The following FCN3 variants were observed in gnomAD, a reference collection of about 807,000 sequenced individuals.
FCN3 encodes ficolin-3.
A neutral mutation model predicts 31.5 loss-of-function variants in FCN3; 28 were observed. That is an observed-to-expected ratio of 0.89 (90% CI 0.66 to 1.22). The LOEUF (loss-of-function observed/expected upper bound fraction) is 1.22. FCN3 is among the 50% of genes most tolerant of loss of function. FCN3 has a pLI of 0.00. For synonymous variants in FCN3, 124 were observed against 147.4 expected (o/e 0.84, Z 1.15); for missense variants, 351 against 386.8 (o/e 0.91, Z 0.78).
rs1015709278 is a variant in FCN3 at position 27,369,120 on chromosome 1, T to C, written c.*116A>G. 5.4e-6 allele frequency: 7 copies of C among 1,297,076 alleles called. No individual in the cohort carries two copies. In the African/African-American group the frequency reaches 1.0e-4, roughly 19 times the overall value. The allele number at this position is 1,297,076 out of a possible 1,614,324, so 80.3% of individuals were successfully genotyped here. ...GTAACTGGAAGAGTCTTGAAAGGGC[T>C]AAAATGATTTTATTTTTAAATGTGG... is the stretch of plus-strand genomic sequence containing the variant. On this transcript the variant is annotated 3_prime_UTR_variant, in exon 8 of 8. Transcript: ENST00000270879.
chr1:27,372,773 A>ATATAT (rs71584882), intron 5 of FCN3, among the ~76,000 whole-genome samples: 1 of 96,442 alleles, frequency 1.0e-5, no homozygotes, highest in Admixed American at 1.3e-4. Flanking sequence ...TCCCTACCCT[A>ATATAT]TTTTTTTTTT....
At chr1:27,373,694 C>T in intron 3 of FCN3, 174 bp from the exon 4 acceptor site, 1 of 709,858 alleles carries the variant, frequency 1.4e-6, no homozygotes, top group Admixed American at 2.3e-5. Context: ...ATCCTCTCCA[C>T]TCCTCCCAGC....
intron 3 of FCN3, 28 bp downstream of exon 3, chr1:27,373,937 G>A (rs766453890): frequency 2.8e-5 from 45 of 1,604,548 alleles, no homozygotes; most frequent in East Asian, 1.8e-4. Flanking sequence ...CAAAGAAAGC[G>A]GGGAGGCCTC....
intron 1 of FCN3, 51 bp from the exon 2 acceptor site, chr1:27,374,502 A>ACCCCC: frequency 8.2e-7 from 1 of 1,224,824 alleles, no homozygotes; most frequent in Middle Eastern, 1.9e-4. Flanking sequence ...TCTCTTCCAG[A>ACCCCC]CCCCTCTTCA....
At chr1:27,369,704 T>C (rs1256836455) in intron 7 of FCN3, among the ~76,000 whole-genome samples, 1 of 145,722 alleles carries the variant, frequency 6.9e-6, no homozygotes, top group Non-Finnish European at 1.6e-5. Flanking sequence ...CTTTTCCCCC[T>C]GTCTTACCCC....
At chr1:27,370,408 C>T (rs1571087071) in intron 7 of FCN3, 188 bp downstream of exon 7, 5 of 603,548 alleles carry the variant, frequency 8.3e-6, no homozygotes, top group African/African-American at 1.9e-5. Flanking sequence ...GATTCAAACT[C>T]AGGTCTGTTT....
At position 27,374,461 on chromosome 1, in the gene FCN3, GAC is replaced by G; in HGVS notation, c.92-12_92-11del. On this transcript the variant is annotated splice_polypyrimidine_tract_variant and intron_variant, in intron 1 of 7. Coordinates refer to ENST00000270879, the MANE Select transcript of FCN3 (RefSeq NM_003665.4). ...TCCAGTTCCCTGGGTCCTACAGGGA[GAC>G]ACAGGCAGGGTGGGCACAGGGTAGA... 6.3e-7 allele frequency: 1 copy of G among 1,587,878 alleles called. No homozygotes were observed. Among genetic ancestry groups the G allele is most frequent in the Non-Finnish European group, 8.6e-7 (1 of 1,156,296 alleles).
chr1:27,371,912 A>G lies in FCN3; in HGVS notation c.394-940T>C, dbSNP rs569773662. On this transcript the variant is annotated intron_variant, in intron 5 of 7. Transcript: ENST00000270879. Reference sequence around the variant, plus strand: ...ATAGCTGGGATTACAGGCACCTGCCACCACGCCCAGCTAATTTTTTGTATT... The same window carrying G: ...ATAGCTGGGATTACAGGCACCTGCCGCCACGCCCAGCTAATTTTTTGTATT... Among the ~76,000 whole-genome samples, 60 of 152,186 alleles carry G rather than the reference A, an allele frequency of 3.9e-4. 1 individual carries two copies. The South Asian group carries it at 1.0e-2, about 25-fold the overall frequency.
intron 2 of FCN3, 39 bp downstream of exon 2, chr1:27,374,317 C>T: frequency 6.9e-7 from 1 of 1,454,820 alleles, no homozygotes; most frequent in Non-Finnish European, 9.6e-7. Context: ...CTGCCTTCCC[C>T]ATTCCCAAGA....
chr1:27,369,387 T>C lies in FCN3; in HGVS notation c.749A>G (p.His250Arg). The C allele has an allele frequency of 1.9e-6, 3 of 1,614,224 alleles. No homozygotes were observed. Among genetic ancestry groups the C allele is most frequent in the Non-Finnish European group, 2.5e-6 (3 of 1,180,026 alleles). The change falls in exon 8 of 8, where the codon CAC becomes CGC. Residue 250 changes from histidine to arginine, a missense_variant. Transcript: ENST00000270879. ...SSNSNCAVIV[H>R]GAWWYASCYR... is the part of the protein sequence containing the mutation. ...ACAGGATGCATACCACCAGGCACCG[T>C]GGACAATCACTGCACAGTTGCTGTT...
Position 27,370,765 on chromosome 1 carries a change from T to C in FCN3, c.524-35A>G, listed in dbSNP as rs183148024. 453 of 1,612,836 alleles carry C rather than the reference T, an allele frequency of 2.8e-4. 1 individual carries two copies. The East Asian group carries it at 6.9e-3, about 25-fold the overall frequency. Reference sequence around the variant, plus strand: ...AGGGGAGGCAGGGATGGAGGAATCCTCAGTTCTTGGGGGTGGGGCAGGGAT... The same window carrying C: ...AGGGGAGGCAGGGATGGAGGAATCCCCAGTTCTTGGGGGTGGGGCAGGGAT... On this transcript the variant is annotated intron_variant, in intron 6 of 7. Transcript: ENST00000270879.
intron 4 of FCN3, 111 bp from the exon 5 acceptor site, chr1:27,373,374 C>T (rs2016187567): frequency 1.3e-6 from 2 of 1,596,042 alleles, no homozygotes; most frequent in Non-Finnish European, 1.7e-6. Flanking sequence ...CCTTCAGGTC[C>T]CTGAAGAAGG....
Position 27,373,207 on chromosome 1 carries a change from G to A in FCN3, c.322C>T (p.His108Tyr), listed in dbSNP as rs1258101026. ...SQGATLSGWYHLCLPEGRALP... is the reference protein window; with the variant it reads ...SQGATLSGWYYLCLPEGRALP... ...GCCCTGCCCTCAGGTAGGCACAGAT[G>A]GTACCAGCCGCTCAAGGTGGCGCCC... Residue 108 changes from histidine to tyrosine, a missense_variant, in exon 5 of 8, where the codon CAT (histidine) becomes TAT (tyrosine). Coordinates refer to ENST00000270879, the MANE Select transcript of FCN3 (RefSeq NM_003665.4). 2 of 1,613,946 alleles carry A rather than the reference G, an allele frequency of 1.2e-6. No individual in the cohort carries two copies. The highest frequency in any genetic ancestry group is 2.7e-5 in the African/African-American group (2 of 74,904).
At position 27,374,819 on chromosome 1, in the gene FCN3, C is replaced by G; in HGVS notation, c.-1G>C. Reference sequence around the variant, plus strand: ...AGGGCAGGATCCACAGTAGATCCATCTTGCTGGGCCCACCAGGGGAAGGAT... The same window carrying G: ...AGGGCAGGATCCACAGTAGATCCATGTTGCTGGGCCCACCAGGGGAAGGAT... On this transcript the variant is annotated 5_prime_UTR_variant, in exon 1 of 8. Coordinates refer to ENST00000270879, the MANE Select transcript of FCN3 (RefSeq NM_003665.4). 7.5e-7 allele frequency: 1 copy of G among 1,333,852 alleles called. No individual in the cohort carries two copies. The highest frequency in any genetic ancestry group is 9.7e-7 in the Non-Finnish European group (1 of 1,034,628). The allele number at this position is 1,333,852 out of a possible 1,614,324, so 82.6% of individuals were successfully genotyped here.
intron 5 of FCN3, among the ~76,000 whole-genome samples, chr1:27,371,705 C>A (rs1002219149): frequency 6.6e-6 from 1 of 152,226 alleles, no homozygotes; most frequent in African/African-American, 2.4e-5. Flanking sequence ...GGCCCCAGGT[C>A]CTATAGAGTT....
At position 27,374,821 on chromosome 1, in the gene FCN3, T is replaced by G. The variant is rs748239361; in HGVS notation, c.-3A>C. The G allele has an allele frequency of 5.3e-6, 7 of 1,332,450 alleles. No homozygotes were observed. The highest frequency in any genetic ancestry group is 1.5e-5 in the African/African-American group (1 of 66,630). 82.5% of individuals were successfully genotyped at this position (1,332,450 alleles called of 1,614,324 possible). On this transcript the variant is annotated 5_prime_UTR_variant, in exon 1 of 8. Transcript: ENST00000270879. The stretch of plus-strand genomic sequence containing the variant: ...GGCAGGATCCACAGTAGATCCATCT[T>G]GCTGGGCCCACCAGGGGAAGGATGC...
At position 27,374,393 on chromosome 1, in the gene FCN3, T is replaced by C. The variant is rs149306559; in HGVS notation, c.150A>G (p.Pro50=). The C allele has an allele frequency of 5.6e-6, 9 of 1,613,860 alleles. No individual in the cohort carries two copies. In the African/African-American group the frequency reaches 1.1e-4, roughly 19 times the overall value. ...VVLLPSCPGA[P]GSPGEKGAPG... ...GGGCTCCCTTCTCCCCAGGACTTCC[T>C]GGAGCTCCGGGACAACTGGGCAGGA... is the stretch of plus-strand genomic sequence containing the variant. Residue 50 remains proline (P), a synonymous_variant, in exon 2 of 8, where the codon CCA becomes CCG. Coordinates refer to ENST00000270879, the MANE Select transcript of FCN3 (RefSeq NM_003665.4).
In FCN3 at chr1:27,369,392, A is replaced by G; in HGVS notation, c.744T>C (p.Ile248=). 1.9e-6 allele frequency: 3 copies of G among 1,614,244 alleles called. No individual in the cohort carries two copies. Among genetic ancestry groups the G allele is most frequent in the Non-Finnish European group, 2.5e-6 (3 of 1,180,032 alleles). Residue 248 remains isoleucine, a synonymous_variant, in exon 8 of 8, where the codon ATT becomes ATC. Coordinates refer to ENST00000270879, the MANE Select transcript of FCN3 (RefSeq NM_003665.4). ...HDSSNSNCAV[I]VHGAWWYASC... ...ATGCATACCACCAGGCACCGTGGAC[A>G]ATCACTGCACAGTTGCTGTTGCTTG...
At position 27,370,856 on chromosome 1, in the gene FCN3, C is replaced by T; in HGVS notation, c.510G>A (p.Gln170=). Residue 170 remains glutamine, a synonymous_variant, in exon 6 of 8, where the codon CAG becomes CAA. Coordinates refer to ENST00000270879, the MANE Select transcript of FCN3 (RefSeq NM_003665.4). Reference sequence around the variant, plus strand: ...CTGGGAACTCACCCTGGAGAGTAAGCTGGTGCAAATTCTCATTTCCCAGCC... The same window carrying T: ...CTGGGAACTCACCCTGGAGAGTAAGTTGGTGCAAATTCTCATTTCCCAGCC... ...EFWLGNENLH[Q]LTLQGNWELR... The T allele has an allele frequency of 6.2e-7, 1 of 1,614,138 alleles. No homozygotes were observed. Among genetic ancestry groups the T allele is most frequent in the African/African-American group, 1.3e-5 (1 of 75,038 alleles).
Sources: gnomAD v4.1 joint callset for allele counts (sites outside exome capture counted in the v4.1 genomes callset) on GRCh38, gnomAD v4.1.1 for gene constraint, MANE v1.5 for transcripts, NCBI Gene and HGNC (gene_info 2026-07-23, HGNC 2026-07-21) for gene names.